GFPT2: variants seen among roughly 807,000 people sequenced by gnomAD.
The protein encoded by GFPT2 is glutamine--fructose-6-phosphate transaminase 2.
In GFPT2, 62 loss-of-function variants were observed where a neutral mutation model predicts 85.6. The observed-to-expected ratio is 0.72, with a 90% CI of 0.59 to 0.90. The LOEUF (loss-of-function observed/expected upper bound fraction) is 0.90, where lower values mean the gene tolerates loss of function less well. Among genes scored for constraint, GFPT2 ranks in the 40% least tolerant of loss-of-function variants. GFPT2 has a pLI of 0.00. For missense variants in GFPT2, 788 were observed against 893.4 expected (o/e 0.88, Z 1.50); for synonymous variants, 368 against 344.5 (o/e 1.07, Z -0.75).
intron 9 of GFPT2, among the ~76,000 whole-genome samples, chr5:180,322,433 T>C (rs1294046204): frequency 1.3e-5 from 2 of 152,242 alleles, no homozygotes; most frequent in Non-Finnish European, 2.9e-5. Flanking sequence ...TTTGTTAAAA[T>C]TTACTCTAAA....
chr5:180,321,247 C>T (rs971584153), intron 9 of GFPT2, among the ~76,000 whole-genome samples: 3 of 151,138 alleles, frequency 2.0e-5, no homozygotes, highest in African/African-American at 4.9e-5. Flanking sequence ...ATCCTGTCTC[C>T]GAGAGATCAA....
intron 1 of GFPT2, chr5:180,352,426 C>T: frequency 2.2e-6 from 1 of 455,416 alleles, no homozygotes; most frequent in Non-Finnish European, 4.4e-6. Context: ...GGCGGCCCAG[C>T]CAGGAGAGTA....
chr5:180,337,139 C>T (rs1561882492), intron 2 of GFPT2, among the ~76,000 whole-genome samples: 1 of 152,198 alleles, frequency 6.6e-6, no homozygotes, highest in Non-Finnish European at 1.5e-5. Flanking sequence ...ATTGTGTAGC[C>T]ACTTAGAAAG....
At chr5:180,348,490 C>T (rs919025089) in intron 1 of GFPT2, among the ~76,000 whole-genome samples, 5 of 152,152 alleles carry the variant, frequency 3.3e-5, no homozygotes, top group Admixed American at 1.3e-4. Flanking sequence ...GGAGGTGCCG[C>T]GGATGCATGT....
intron 17 of GFPT2, among the ~76,000 whole-genome samples, chr5:180,304,298 GA>G (rs983559427): frequency 1.2e-4 from 19 of 152,350 alleles, no homozygotes; most frequent in African/African-American, 4.6e-4. Context: ...AACTTCAGGG[GA>G]GAGTGGGAAT....
chr5:180,318,710 C>T lies in GFPT2; in HGVS notation c.958+83G>A. 8.1e-7 allele frequency: 1 copy of T among 1,236,920 alleles called. No homozygotes were observed. The highest frequency in any genetic ancestry group is 1.9e-5 in the Admixed American group (1 of 51,744). The allele number at this position is 1,236,920 out of a possible 1,614,324, so 76.6% of individuals were successfully genotyped here. ...GAGGGCAGGAGGGCTGTGGCCTCTACTAGGACCAGGCAGAGTGTCAGGAGC... is the reference window on the plus strand; with the variant it reads ...GAGGGCAGGAGGGCTGTGGCCTCTATTAGGACCAGGCAGAGTGTCAGGAGC... On this transcript the variant is annotated intron_variant, in intron 10 of 18. Coordinates refer to ENST00000253778, the MANE Select transcript of GFPT2 (RefSeq NM_005110.4). The surrounding 1 kb of genome is among the most constrained non-coding windows in gnomAD (Gnocchi z 4.2).
chr5:180,320,192 C>T (rs1764091487), intron 9 of GFPT2, among the ~76,000 whole-genome samples: 1 of 151,942 alleles, frequency 6.6e-6, no homozygotes, highest in Non-Finnish European at 1.5e-5. Context: ...CGGGGTTTCA[C>T]CGTGTTAGCC....
At chr5:180,345,186 A>T (rs949278526) in intron 1 of GFPT2, among the ~76,000 whole-genome samples, 2 of 152,274 alleles carry the variant, frequency 1.3e-5, no homozygotes, top group African/African-American at 2.4e-5. Context: ...AATAAAACCA[A>T]GGGGGAAATA....
chr5:180,349,538 T>A (rs1349517625), intron 1 of GFPT2, among the ~76,000 whole-genome samples: 5 of 152,090 alleles, frequency 3.3e-5, no homozygotes. Flanking sequence ...AGTGGAGGGC[T>A]GCAGCCAGCA....
chr5:180,306,553 C>G (rs1763781831), intron 16 of GFPT2, among the ~76,000 whole-genome samples: 1 of 152,206 alleles, frequency 6.6e-6, no homozygotes. Context: ...TCAGCTTTCT[C>G]TTTCCTGGCG....
intron 10 of GFPT2, among the ~76,000 whole-genome samples, 189 bp from the exon 11 acceptor site, chr5:180,317,247 T>C (rs550248355): frequency 1.2e-3 from 176 of 152,240 alleles, no homozygotes; most frequent in Non-Finnish European, 2.3e-3. Flanking sequence ...CCAATTTACA[T>C]ATTGGACCCT....
intron 2 of GFPT2, among the ~76,000 whole-genome samples, chr5:180,337,566 T>G (rs561514669): frequency 1.3e-5 from 2 of 151,426 alleles, no homozygotes; most frequent in East Asian, 3.9e-4. Context: ...ACAAAAAATA[T>G]CAACGTACAA....
At chr5:180,313,995 C>A (rs776590822) in intron 13 of GFPT2, 31 bp from the exon 14 acceptor site, 2 of 1,556,530 alleles carry the variant, frequency 1.3e-6, no homozygotes, top group East Asian at 4.7e-5. Context: ...CAGTGCCGCG[C>A]TCCGCCAGCC....
chr5:180,306,413 G>T (rs115378202), intron 16 of GFPT2, among the ~76,000 whole-genome samples: 3,229 of 152,314 alleles, frequency 0.021, 110 homozygotes, highest in African/African-American at 0.074. Context: ...CCGTCACCTG[G>T]GCTGAGCATC....
Position 180,351,506 on chromosome 5 carries a change from C to T in GFPT2, c.7+1705G>A, listed in dbSNP as rs530397028. 5.3e-5 allele frequency among the ~76,000 whole-genome samples: 8 copies of T among 152,260 alleles called. No homozygotes were observed. The South Asian group carries it at 1.2e-3, about 24-fold the overall frequency. ...AGCACGCACTCTTTGATTCTGGCTC[C>T]GAGTGGGCACCCCCATGGACCGCAG... On this transcript the variant is annotated intron_variant, in intron 1 of 18. Coordinates refer to ENST00000253778, the MANE Select transcript of GFPT2 (RefSeq NM_005110.4).
chr5:180,347,678 A>AGGG (rs1441333089), intron 1 of GFPT2, among the ~76,000 whole-genome samples: 4 of 152,158 alleles, frequency 2.6e-5, no homozygotes, highest in Non-Finnish European at 5.9e-5. Context: ...TCTGAAGCTC[A>AGGG]GGGTTCAACC....
rs1401459533 is a variant in GFPT2 at position 180,335,819 on chromosome 5, G to A, written c.340+9C>T. On this transcript the variant is annotated intron_variant, in intron 4 of 18. Transcript: ENST00000253778. ...TGGAACCATGGGGACGGGGAAGCAT[G>A]CCACATACCGTTGCCTTTGTCTGAG... is the stretch of plus-strand genomic sequence containing the variant. 3.7e-6 allele frequency: 6 copies of A among 1,601,612 alleles called. No individual in the cohort carries two copies. The African/African-American group carries it at 4.1e-5, about 11-fold the overall frequency.
At chr5:180,348,479 T>C (rs1403126371) in intron 1 of GFPT2, among the ~76,000 whole-genome samples, 2 of 152,166 alleles carry the variant, frequency 1.3e-5, no homozygotes, top group African/African-American at 4.8e-5. Flanking sequence ...AGATCAAAGC[T>C]GGAGGTGCCG....
chr5:180,307,944 C>G (rs907519095), intron 15 of GFPT2, among the ~76,000 whole-genome samples: 1 of 152,122 alleles, frequency 6.6e-6, no homozygotes, highest in African/African-American at 2.4e-5. Context: ...AACCCCGTCT[C>G]TACTAAAAAT....
Sources: allele counts gnomAD v4.1 joint callset (sites outside exome capture counted in the v4.1 genomes callset), GRCh38; gene constraint gnomAD v4.1.1; non-coding constraint Gnocchi (gnomAD v3.1); transcripts MANE v1.5; gene names NCBI Gene and HGNC (gene_info 2026-07-23, HGNC 2026-07-21).